CSMD3: variants seen among roughly 807,000 people sequenced by gnomAD.
The protein encoded by CSMD3 is CUB and sushi domain-containing protein 3.
In CSMD3, 177 loss-of-function variants were observed where a neutral mutation model predicts 435.2. That is an observed-to-expected ratio of 0.41 (90% CI 0.36 to 0.46). The LOEUF is 0.46. Among genes scored for constraint, CSMD3 ranks in the 20% least tolerant of loss-of-function variants. The pLI is 0.34. For synonymous variants in CSMD3, 1,656 were observed against 1,520.5 expected, an observed-to-expected ratio of 1.09 and a Z score of -2.07; for missense variants, 4,265 against 4,504.6, an observed-to-expected ratio of 0.95 and a Z score of 1.52.
At chr8:113,408,048 TAAAC>T (rs2094540949) in intron 1 of CSMD3, among the ~76,000 whole-genome samples, 1 of 152,170 alleles carries the variant, frequency 6.6e-6, no homozygotes, top group Non-Finnish European at 1.5e-5. Flanking sequence ...TTTAAACCTT[TAAAC>T]AAACAGAAAA....
chr8:112,231,603 A>G lies in CSMD3; in HGVS notation c.10770T>C (p.Tyr3590=), dbSNP rs773590013. 4.3e-6 allele frequency: 7 copies of G among 1,612,084 alleles called. No homozygotes were observed. The highest frequency in any genetic ancestry group is 2.2e-5 in the East Asian group (1 of 44,738). The change falls in exon 69 of 71, where the codon TAT becomes TAC. Residue 3590 remains tyrosine, a synonymous_variant. Coordinates refer to ENST00000297405, the MANE Select transcript of CSMD3 (RefSeq NM_198123.2). ...FVSAEPDGAT[Y]VFQGFIQGKD... is the part of the protein sequence containing the mutation. ...TGCCTTGAATAAATCCTTGAAATAC[A>G]TAAGTAGCTCCATCAGGCTCAGCAG...
At chr8:112,337,427 G>A (rs1319836530) in intron 43 of CSMD3, 116 bp downstream of exon 43, 4 of 811,602 alleles carry the variant, frequency 4.9e-6, no homozygotes, top group Non-Finnish European at 8.5e-6. Context: ...AATATCTTCA[G>A]CTGAGAGACT....
chr8:113,367,898 T>G (rs528732138), intron 1 of CSMD3, among the ~76,000 whole-genome samples: 1 of 152,234 alleles, frequency 6.6e-6, no homozygotes, highest in East Asian at 1.9e-4. Context: ...ATTTTCTTCA[T>G]GATAATTGCA....
At chr8:112,448,211 G>C (rs1461947096) in intron 32 of CSMD3, among the ~76,000 whole-genome samples, 1 of 152,180 alleles carries the variant, frequency 6.6e-6, no homozygotes, top group Non-Finnish European at 1.5e-5. Context: ...ACAGTAGAGA[G>C]AGAACATTGA....
At chr8:112,593,829 A>T (rs906168285) in intron 22 of CSMD3, among the ~76,000 whole-genome samples, 24 of 152,164 alleles carry the variant, frequency 1.6e-4, no homozygotes, top group African/African-American at 5.8e-4. Flanking sequence ...GGCAATTAAG[A>T]GTTTGGGAAG....
chr8:112,814,232 G>T (rs546459372), intron 12 of CSMD3, among the ~76,000 whole-genome samples: 14 of 152,270 alleles, frequency 9.2e-5, no homozygotes, highest in African/African-American at 3.1e-4. Flanking sequence ...GAGAATGATT[G>T]AATAGAGGAA....
At chr8:112,516,205 T>C (rs895341860) in intron 28 of CSMD3, among the ~76,000 whole-genome samples, 1 of 152,028 alleles carries the variant, frequency 6.6e-6, no homozygotes, top group African/African-American at 2.4e-5. Context: ...AGAAACACAA[T>C]GATGAACAAG....
At chr8:112,796,940 C>T (rs2078843828) in intron 13 of CSMD3, among the ~76,000 whole-genome samples, 1 of 151,948 alleles carries the variant, frequency 6.6e-6, no homozygotes, top group South Asian at 2.1e-4. Context: ...AATCAGCACA[C>T]TGTCATGAAC....
At chr8:113,174,034 C>T (rs1400628080) in intron 3 of CSMD3, 118 bp from the exon 4 acceptor site, 5 of 750,338 alleles carry the variant, frequency 6.7e-6, no homozygotes, top group Non-Finnish European at 1.1e-5. Context: ...AGAAGAGTCA[C>T]TGAAAGGAAC....
chr8:112,936,479 A>G (rs2083284144), intron 9 of CSMD3, among the ~76,000 whole-genome samples: 1 of 152,108 alleles, frequency 6.6e-6, no homozygotes, highest in African/African-American at 2.4e-5. Flanking sequence ...ACAGACTAAT[A>G]ATTCAAATTT....
chr8:112,937,355 T>TG (rs1233434879), intron 9 of CSMD3, among the ~76,000 whole-genome samples: 1 of 150,098 alleles, frequency 6.7e-6, no homozygotes, highest in Non-Finnish European at 1.5e-5. Context: ...TAATAATGTT[T>TG]TTTTTTTTTT....
intron 27 of CSMD3, among the ~76,000 whole-genome samples, chr8:112,526,714 C>G (rs910689915): frequency 2.0e-5 from 3 of 151,700 alleles, no homozygotes; most frequent in Non-Finnish European, 4.4e-5. Flanking sequence ...GGCCTTTGCT[C>G]ACTTTAAATA....
At chr8:113,015,091 G>A (rs2086404488) in intron 6 of CSMD3, among the ~76,000 whole-genome samples, 1 of 152,006 alleles carries the variant, frequency 6.6e-6, no homozygotes, top group South Asian at 2.1e-4. Context: ...AGGTATTTAT[G>A]TAAAAACTTC....
At chr8:113,251,819 T>A (rs1045465924) in intron 3 of CSMD3, among the ~76,000 whole-genome samples, 1 of 152,072 alleles carries the variant, frequency 6.6e-6, no homozygotes, top group Non-Finnish European at 1.5e-5. Context: ...GATCTAACAC[T>A]TTTCTGATTC....
At chr8:112,614,359 C>G (rs1833505189) in intron 22 of CSMD3, among the ~76,000 whole-genome samples, 1 of 152,036 alleles carries the variant, frequency 6.6e-6, no homozygotes, top group Non-Finnish European at 1.5e-5. Context: ...TATGTTTGTC[C>G]CTTTGACAAG....
At chr8:112,276,923 T>A (rs1034358923) in intron 59 of CSMD3, among the ~76,000 whole-genome samples, 1 of 151,930 alleles carries the variant, frequency 6.6e-6, no homozygotes, top group Non-Finnish European at 1.5e-5. Context: ...GGGCACCAAG[T>A]TCCTAGACTG....
chr8:112,842,247 C>T (rs975269715), intron 11 of CSMD3, among the ~76,000 whole-genome samples: 2 of 151,752 alleles, frequency 1.3e-5, no homozygotes, highest in Admixed American at 1.3e-4. Context: ...ATCTCAGTGA[C>T]GGAAAGCAAA....
intron 7 of CSMD3, among the ~76,000 whole-genome samples, chr8:112,955,437 T>A (rs7013635): frequency 0.43 from 64,873 of 151,568 alleles, 14,666 homozygotes; most frequent in East Asian, 0.78. Context: ...GATATTTTGA[T>A]ATAAGCATAC....
intron 40 of CSMD3, among the ~76,000 whole-genome samples, chr8:112,349,375 T>C (rs994600129): frequency 3.9e-5 from 6 of 152,084 alleles, no homozygotes; most frequent in Admixed American, 2.0e-4. Flanking sequence ...TATATATATA[T>C]AGTATCCCAA....
Sources: allele counts gnomAD v4.1 joint callset (sites outside exome capture counted in the v4.1 genomes callset), GRCh38; gene constraint gnomAD v4.1.1; transcripts MANE v1.5; gene names NCBI Gene and HGNC (gene_info 2026-07-23, HGNC 2026-07-21).